RASSF3: variants seen among roughly 807,000 people sequenced by gnomAD.
RASSF3 encodes Ras association domain family member 3.
Under a neutral mutation model 19.9 loss-of-function variants are expected in RASSF3, and 19 were observed. The ratio of observed to expected loss-of-function variants is 0.96; its 90% CI spans 0.67 to 1.40. RASSF3 has a LOEUF of 1.40. RASSF3 is among the 40% of genes most tolerant of loss of function. The pLI, the probability that RASSF3 is intolerant of heterozygous loss-of-function variation, is 0.00. For synonymous variants in RASSF3, 110 were observed against 104.2 expected, an observed-to-expected ratio of 1.06 and a Z score of -0.34; for missense variants, 306 against 289.8, an observed-to-expected ratio of 1.06 and a Z score of -0.41.
intron 1 of RASSF3, among the ~76,000 whole-genome samples, chr12:64,520,007 GATA>G (rs1868434412): frequency 6.6e-6 from 1 of 152,118 alleles, no homozygotes; most frequent in African/African-American, 2.4e-5. Context: ...GTCAAATGGG[GATA>G]ATAATAGTAC....
chr12:64,638,247 T>C (rs1028922480), intron 1 of RASSF3, among the ~76,000 whole-genome samples: 2 of 152,242 alleles, frequency 1.3e-5, no homozygotes, highest in African/African-American at 4.8e-5. Flanking sequence ...GAAAGGATTC[T>C]TTTTACTATT....
intron 1 of RASSF3, among the ~76,000 whole-genome samples, chr12:64,644,943 G>A (rs73321727): frequency 0.011 from 1,734 of 151,908 alleles, 36 homozygotes; most frequent in African/African-American, 0.04. Flanking sequence ...GCATGGTGCC[G>A]TGTGCCAGTA....
rs969798126 is a variant in RASSF3 at position 64,695,080 on chromosome 12, G to A, written c.*168G>A. 4 of 669,976 alleles carry A rather than the reference G, an allele frequency of 6.0e-6. No individual in the cohort carries two copies. The highest frequency in any genetic ancestry group is 9.9e-6 in the Non-Finnish European group (4 of 405,644). 41.5% of individuals were successfully genotyped at this position (669,976 alleles called of 1,614,324 possible). A position where few individuals can be genotyped will look rare whatever the true frequency, so the allele number is the denominator to read the frequency against. ...TGGTCACACAGCATCCTGCACCTTA[G>A]CGTCCCATGTAAGGGACTCTGCAAG... On this transcript the variant is annotated 3_prime_UTR_variant, in exon 5 of 5. Transcript: ENST00000542104.
chr12:64,658,359 G>C (rs978021020), intron 1 of RASSF3, among the ~76,000 whole-genome samples: 1 of 152,126 alleles, frequency 6.6e-6, no homozygotes, highest in African/African-American at 2.4e-5. Context: ...CACTGACTAC[G>C]GTTTCCCAAG....
intron 1 of RASSF3, among the ~76,000 whole-genome samples, chr12:64,652,229 T>G (rs933007910): frequency 3.9e-5 from 6 of 152,210 alleles, no homozygotes; most frequent in African/African-American, 1.4e-4. Context: ...ATTGCTTGAA[T>G]AATGTAATCT....
chr12:64,552,421 T>C (rs1451609981), intron 2 of RASSF3, among the ~76,000 whole-genome samples: 9 of 152,182 alleles, frequency 5.9e-5, no homozygotes, highest in African/African-American at 2.2e-4. Flanking sequence ...GCAGATTTGT[T>C]ACATAGGCAG....
intron 2 of RASSF3, among the ~76,000 whole-genome samples, chr12:64,551,418 T>C (rs1415568496): frequency 1.3e-5 from 2 of 151,902 alleles, no homozygotes; most frequent in African/African-American, 4.8e-5. Context: ...CTACAAAAAA[T>C]GCCAAAAATT....
chr12:64,560,857 C>T (rs776137310), intron 2 of RASSF3, among the ~76,000 whole-genome samples: 4 of 152,072 alleles, frequency 2.6e-5, no homozygotes, highest in Non-Finnish European at 4.4e-5. Flanking sequence ...CTGTGAGAGA[C>T]GGGGAAGGAA....
At chr12:64,535,513 C>A (rs951152882) in intron 1 of RASSF3, among the ~76,000 whole-genome samples, 1 of 151,942 alleles carries the variant, frequency 6.6e-6, no homozygotes, top group East Asian at 1.9e-4. Context: ...TACAGGCACA[C>A]GCCACCACAT....
intron 1 of RASSF3, among the ~76,000 whole-genome samples, chr12:64,614,133 C>CTT (rs578071131): frequency 0.012 from 1,524 of 130,012 alleles, 36 homozygotes; most frequent in African/African-American, 0.041. Context: ...TTTACCATTT[C>CTT]TTTTTTTTTT....
intron 1 of RASSF3, among the ~76,000 whole-genome samples, chr12:64,626,910 G>A (rs747799197): frequency 6.6e-6 from 1 of 152,176 alleles, no homozygotes; most frequent in Non-Finnish European, 1.5e-5. Flanking sequence ...TATGAAGGCA[G>A]TATGTTCAGT....
intron 2 of RASSF3, among the ~76,000 whole-genome samples, chr12:64,571,851 A>G (rs1869524043): frequency 6.6e-6 from 1 of 152,172 alleles, no homozygotes; most frequent in Admixed American, 6.5e-5. Context: ...GTTGCTGCAT[A>G]CACAAAGTAA....
upstream of RASSF3, among the ~76,000 whole-genome samples, chr12:64,531,652 T>C (rs1868711343): frequency 6.6e-6 from 1 of 152,240 alleles, no homozygotes. Context: ...ATGTTGCCTT[T>C]CTAGAAAGAT....
At chr12:64,532,271 CCTCTT>C (rs575339233), upstream of RASSF3, among the ~76,000 whole-genome samples, 658 of 152,274 alleles carry the variant, frequency 4.3e-3, 10 homozygotes, top group African/African-American at 0.015. Context: ...CCTCTCCTCT[CCTCTT>C]AATTCTTGAC....
At chr12:64,600,312 C>T (rs1001059484) in intron 2 of RASSF3, among the ~76,000 whole-genome samples, 1 of 134,684 alleles carries the variant, frequency 7.4e-6, no homozygotes, top group Admixed American at 6.9e-5. Context: ...CACACACAGA[C>T]ATACGCACAC....
At chr12:64,634,056 C>A (rs1021900651) in intron 1 of RASSF3, among the ~76,000 whole-genome samples, 4 of 152,106 alleles carry the variant, frequency 2.6e-5, no homozygotes, top group African/African-American at 9.7e-5. Context: ...ATGGCTTGAG[C>A]CTGGGAGGCA....
At chr12:64,631,536 A>AATGT (rs10532504) in intron 1 of RASSF3, among the ~76,000 whole-genome samples, 7,049 of 146,476 alleles carry the variant, frequency 0.048, 278 homozygotes, top group African/African-American at 0.11. Flanking sequence ...CATCGTATGT[A>AATGT]ATGTATGTAT....
At chr12:64,595,064 C>CTTTTTTTTTTTTTTTTTTTTTTTTTTT in intron 2 of RASSF3, among the ~76,000 whole-genome samples, 1 of 90,950 alleles carries the variant, frequency 1.1e-5, no homozygotes, top group Non-Finnish European at 2.0e-5. Context: ...CATATGAAAT[C>CTTTTTTTTTTTTTTTTTTTTTTTTTTT]TTTTTTTTTT....
intron 2 of RASSF3, among the ~76,000 whole-genome samples, chr12:64,604,963 T>G (rs1000034848): frequency 6.7e-6 from 1 of 149,024 alleles, no homozygotes. Context: ...TTGTCATATA[T>G]TTTTTTTTTA....
Sources: allele counts gnomAD v4.1 joint callset (sites outside exome capture counted in the v4.1 genomes callset), GRCh38; gene constraint gnomAD v4.1.1; transcripts MANE v1.5; gene names NCBI Gene and HGNC (gene_info 2026-07-23, HGNC 2026-07-21).